The following DCDC1 variants were observed in gnomAD, a reference collection of about 807,000 sequenced individuals.
The protein encoded by DCDC1 is doublecortin domain containing 1.
Under a neutral mutation model 178.3 loss-of-function variants are expected in DCDC1, and 200 were observed. That is an observed-to-expected ratio of 1.12 (90% CI 1.00 to 1.26). DCDC1 has a LOEUF of 1.26. DCDC1 is among the 50% of genes most tolerant of loss of function. The pLI is 0.00. For synonymous variants in DCDC1, 690 were observed against 604.8 expected (o/e 1.14, Z -2.07); for missense variants, 1,983 against 1,749.2 (o/e 1.13, Z -2.38).
At chr11:30,903,765 A>C in intron 31 of DCDC1, 82 bp from the exon 32 acceptor site, 1 of 1,167,636 alleles carries the variant, frequency 8.6e-7, no homozygotes, top group East Asian at 2.8e-5. Context: ...CATTCTAAAA[A>C]TCTGAAAAAA....
At chr11:30,896,283 G>A (rs1944204433) in intron 34 of DCDC1, among the ~76,000 whole-genome samples, 1 of 152,030 alleles carries the variant, frequency 6.6e-6, no homozygotes, top group Non-Finnish European at 1.5e-5. Context: ...AATTATAATA[G>A]CTAACTATTA....
intron 38 of DCDC1, among the ~76,000 whole-genome samples, chr11:30,872,562 G>A (rs998093025): frequency 6.6e-6 from 1 of 152,026 alleles, no homozygotes; most frequent in Non-Finnish European, 1.5e-5. Context: ...CTTTCTGTTG[G>A]ACAGTGGCTA....
chr11:30,905,544 G>T (rs2134139744), intron 30 of DCDC1, among the ~76,000 whole-genome samples: 1 of 152,274 alleles, frequency 6.6e-6, no homozygotes, highest in African/African-American at 2.4e-5. Context: ...TCCACCATAT[G>T]GTGGAAGATG....
At chr11:30,885,104 T>G (rs1040228735) in intron 36 of DCDC1, among the ~76,000 whole-genome samples, 1 of 151,952 alleles carries the variant, frequency 6.6e-6, no homozygotes, top group Non-Finnish European at 1.5e-5. Context: ...CTAGTATATG[T>G]AAGATTTTAG....
At chr11:30,924,910 G>A (rs1046249307) in intron 23 of DCDC1, among the ~76,000 whole-genome samples, 6 of 151,846 alleles carry the variant, frequency 4.0e-5, no homozygotes, top group East Asian at 1.9e-4. Flanking sequence ...CATCTCTACC[G>A]AAAATACAAA....
intron 20 of DCDC1, among the ~76,000 whole-genome samples, chr11:31,056,044 C>T (rs1482371957): frequency 6.6e-6 from 1 of 152,108 alleles, no homozygotes; most frequent in African/African-American, 2.4e-5. Flanking sequence ...CTAAAACATG[C>T]CAGCATTTAG....
intron 16 of DCDC1, among the ~76,000 whole-genome samples, chr11:31,093,745 C>G (rs1274500471): frequency 6.6e-6 from 1 of 152,162 alleles, no homozygotes; most frequent in East Asian, 1.9e-4. Flanking sequence ...GAAGCACATT[C>G]AGACAAATCT....
chr11:31,161,038 C>A (rs1165684687), intron 9 of DCDC1, among the ~76,000 whole-genome samples: 2 of 152,118 alleles, frequency 1.3e-5, no homozygotes, highest in African/African-American at 4.8e-5. Flanking sequence ...TATAACATTG[C>A]AGGAATTTTT....
At chr11:31,291,455 T>C (rs139241141) in intron 6 of DCDC1, among the ~76,000 whole-genome samples, 3 of 152,154 alleles carry the variant, frequency 2.0e-5, no homozygotes, top group South Asian at 2.1e-4. Flanking sequence ...GACCTATACA[T>C]TTTCAAAGCT....
intron 3 of DCDC1, among the ~76,000 whole-genome samples, chr11:31,321,448 T>G (rs1949345314): frequency 6.6e-6 from 1 of 151,520 alleles, no homozygotes; most frequent in African/African-American, 2.4e-5. Context: ...TTTCTTTGAC[T>G]TGGAAAGGGA....
chr11:31,022,643 T>TTGTGTGTGTGTGTGTGTGTGTG (rs4067986), intron 20 of DCDC1, among the ~76,000 whole-genome samples: 3 of 120,950 alleles, frequency 2.5e-5, no homozygotes, highest in African/African-American at 6.6e-5. Flanking sequence ...GTCTTTTAGT[T>TTGTGTGTGTGTGTGTGTGTGTG]TGTGTGTGTG....
intron 9 of DCDC1, among the ~76,000 whole-genome samples, chr11:31,207,647 A>G (rs1417216628): frequency 6.6e-6 from 1 of 152,204 alleles, no homozygotes; most frequent in Non-Finnish European, 1.5e-5. Flanking sequence ...ATTCATATTT[A>G]GCATGCAAAC....
intron 38 of DCDC1, among the ~76,000 whole-genome samples, chr11:30,871,341 C>T (rs112206100): frequency 0.024 from 3,610 of 152,162 alleles, 123 homozygotes; most frequent in African/African-American, 0.082. Flanking sequence ...GGGACCCAGA[C>T]AGGCATGCGT....
chr11:31,315,766 T>A (rs1327961093), intron 3 of DCDC1, among the ~76,000 whole-genome samples: 1 of 113,672 alleles, frequency 8.8e-6, no homozygotes, highest in African/African-American at 4.0e-5. Context: ...TAATGTGTCA[T>A]CTAGCATTAG....
chr11:30,960,017 G>A (rs1475972012), intron 20 of DCDC1, among the ~76,000 whole-genome samples: 2 of 151,944 alleles, frequency 1.3e-5, no homozygotes, highest in Admixed American at 6.6e-5. Context: ...TAGGAAACTC[G>A]AATTGAAGCA....
intron 9 of DCDC1, among the ~76,000 whole-genome samples, chr11:31,237,301 C>T (rs1236890454): frequency 1.3e-5 from 2 of 151,766 alleles, no homozygotes; most frequent in Admixed American, 1.3e-4. Flanking sequence ...ACAATATATA[C>T]TCAAGCTAGA....
At chr11:31,147,751 G>A (rs1964603629) in intron 9 of DCDC1, among the ~76,000 whole-genome samples, 1 of 152,126 alleles carries the variant, frequency 6.6e-6, no homozygotes, top group African/African-American at 2.4e-5. Context: ...GCTAACTTAG[G>A]CAAAACCATA....
intron 20 of DCDC1, among the ~76,000 whole-genome samples, chr11:31,025,256 G>C (rs1478379523): frequency 1.3e-5 from 2 of 151,580 alleles, no homozygotes; most frequent in African/African-American, 4.8e-5. Context: ...TCCCAAAACA[G>C]AGACCTATAT....
intron 11 of DCDC1, among the ~76,000 whole-genome samples, 167 bp from the exon 12 acceptor site, chr11:31,110,528 A>G (rs1959137455): frequency 1.3e-5 from 2 of 152,178 alleles, no homozygotes; most frequent in South Asian, 2.1e-4. Flanking sequence ...CTGTATAAAC[A>G]CATGTGAGTA....
Sources: allele counts gnomAD v4.1 joint callset (sites outside exome capture counted in the v4.1 genomes callset), GRCh38; gene constraint gnomAD v4.1.1; transcripts MANE v1.5; gene names NCBI Gene and HGNC (gene_info 2026-07-23, HGNC 2026-07-21).